Variants in FBXL4 observed in about 807,000 individuals in gnomAD.
FBXL4 encodes F-box and leucine rich repeat protein 4.
FBXL4 carries 40 observed loss-of-function variants against 58.9 expected under a neutral mutation model. That is an observed-to-expected ratio of 0.68 (90% CI 0.53 to 0.88). The LOEUF (loss-of-function observed/expected upper bound fraction) is 0.88, where lower values mean the gene tolerates loss of function less well. Among genes scored for constraint, FBXL4 ranks in the 40% least tolerant of loss-of-function variants. The pLI is 0.00. For synonymous variants in FBXL4, 263 were observed against 265.5 expected, an observed-to-expected ratio of 0.99 and a Z score of 0.09; for missense variants, 676 against 734.4, an observed-to-expected ratio of 0.92 and a Z score of 0.92.
At chr6:98,920,242 G>A (rs963403590) in intron 4 of FBXL4, among the ~76,000 whole-genome samples, 18 of 152,080 alleles carry the variant, frequency 1.2e-4, no homozygotes, top group African/African-American at 3.6e-4. Flanking sequence ...TGCAGAACAT[G>A]CAAAACAGAC....
intron 1 of FBXL4, among the ~76,000 whole-genome samples, chr6:98,944,011 C>A (rs929606210): frequency 1.4e-4 from 22 of 152,138 alleles, no homozygotes; most frequent in African/African-American, 5.1e-4. Flanking sequence ...TAGTATCTTA[C>A]AACAAATGTG....
chr6:98,914,597 G>C (rs1413549350), intron 5 of FBXL4, among the ~76,000 whole-genome samples: 2 of 152,102 alleles, frequency 1.3e-5, no homozygotes, highest in Non-Finnish European at 2.9e-5. Context: ...ATGCAGAAAA[G>C]GCCTTTGACA....
At chr6:98,913,305 T>G (rs1205578358) in intron 5 of FBXL4, among the ~76,000 whole-genome samples, 1 of 152,060 alleles carries the variant, frequency 6.6e-6, no homozygotes, top group African/African-American at 2.4e-5. Flanking sequence ...GAAATTGAAC[T>G]CAGCTCGGCA....
intron 5 of FBXL4, among the ~76,000 whole-genome samples, chr6:98,915,815 C>T (rs1450681211): frequency 1.3e-5 from 2 of 151,448 alleles, no homozygotes; most frequent in Non-Finnish European, 3.0e-5. Flanking sequence ...CCAAAATTGA[C>T]AAATGGGATC....
At chr6:98,912,922 C>A (rs1772156025) in intron 5 of FBXL4, among the ~76,000 whole-genome samples, 1 of 151,864 alleles carries the variant, frequency 6.6e-6, no homozygotes, top group South Asian at 2.1e-4. Flanking sequence ...GTGCTGTATT[C>A]AGGAAACCCA....
intron 5 of FBXL4, among the ~76,000 whole-genome samples, chr6:98,910,822 G>GA (rs1772019094): frequency 6.6e-6 from 1 of 152,186 alleles, no homozygotes; most frequent in Non-Finnish European, 1.5e-5. Context: ...GCCAGATAGT[G>GA]GGCGCAGGAC....
intron 7 of FBXL4, chr6:98,897,103 T>A (rs1036190627): frequency 7.1e-6 from 7 of 982,640 alleles, no homozygotes; most frequent in African/African-American, 1.7e-5. Context: ...GCTCATTTAA[T>A]AACTACATTT....
intron 7 of FBXL4, among the ~76,000 whole-genome samples, chr6:98,894,567 C>T (rs1047721397): frequency 1.1e-4 from 17 of 152,250 alleles, no homozygotes; most frequent in African/African-American, 4.1e-4. Flanking sequence ...GGTTTCCCAA[C>T]ACAGATCACC....
rs1402483611 is a variant in FBXL4, at chr6:98,873,835, G to T, written c.*443C>A. The T allele has an allele frequency of 1.3e-5, 2 of 152,646 alleles. 1 individual carries two copies. Among genetic ancestry groups the T allele is most frequent in the Admixed American group, 1.3e-4 (2 of 15,280 alleles). The allele number at this position is 152,646 out of a possible 1,614,324, so 9.5% of individuals were successfully genotyped here. On this transcript the variant is annotated 3_prime_UTR_variant, in exon 10 of 10. Transcript: ENST00000369244. ...AAAAGCATGTCTCATTCTCCAACTA[G>T]CTCTGACCATTTTGTACATACCAAA...
chr6:98,877,336 A>T (rs1163207459), intron 8 of FBXL4, among the ~76,000 whole-genome samples: 2 of 152,156 alleles, frequency 1.3e-5, no homozygotes, highest in African/African-American at 2.4e-5. Flanking sequence ...AAAAAAATTT[A>T]AAAACTTTAT....
chr6:98,875,628 T>C lies in FBXL4; in HGVS notation c.1489A>G (p.Ile497Val). The change falls in exon 9 of 10, where the codon ATA becomes GTA. Residue 497 changes from isoleucine to valine, a missense_variant. Ile to Val is a conservative substitution (Grantham distance 29). Coordinates refer to ENST00000369244, the MANE Select transcript of FBXL4 (RefSeq NM_001278716.2). ...WRCKNITENG[I>V]AELASGCPLL... ...GGACACCCAGAAGCCAGTTCTGCTA[T>C]TCCATTCTCAGTAATATTCTTACAT... is the stretch of plus-strand genomic sequence containing the variant. 5.6e-6 allele frequency: 9 copies of C among 1,614,158 alleles called. No homozygotes were observed. Among genetic ancestry groups the C allele is most frequent in the African/African-American group, 1.3e-5 (1 of 75,044 alleles).
At chr6:98,936,621 TTTC>T (rs1211420051) in intron 1 of FBXL4, among the ~76,000 whole-genome samples, 1 of 152,226 alleles carries the variant, frequency 6.6e-6, no homozygotes, top group East Asian at 1.9e-4. Context: ...TCCTCATGAT[TTTC>T]TTAATATTTT....
At position 98,927,058 on chromosome 6, in the gene FBXL4, G is replaced by A; in HGVS notation, c.-70C>T. 3 of 1,468,816 alleles carry A rather than the reference G, an allele frequency of 2.0e-6. No individual in the cohort carries two copies. Among genetic ancestry groups the A allele is most frequent in the South Asian group, 2.6e-5 (2 of 76,476 alleles). 91.0% of individuals were successfully genotyped at this position (1,468,816 alleles called of 1,614,324 possible). On this transcript the variant is annotated splice_region_variant and 5_prime_UTR_variant, in exon 4 of 10. Coordinates refer to ENST00000369244, the MANE Select transcript of FBXL4 (RefSeq NM_001278716.2). ...AAGATGCATGAACTCTTTGAAGGATGTTCTAAAAAAATGAATGGCTTGGTG... is the reference window on the plus strand; with the variant it reads ...AAGATGCATGAACTCTTTGAAGGATATTCTAAAAAAATGAATGGCTTGGTG...
At chr6:98,923,372 T>C (rs1772657271) in intron 4 of FBXL4, among the ~76,000 whole-genome samples, 1 of 152,166 alleles carries the variant, frequency 6.6e-6, no homozygotes, top group Admixed American at 6.5e-5. Flanking sequence ...AAAAAATCTA[T>C]AAAATCCCAA....
intron 2 of FBXL4, among the ~76,000 whole-genome samples, chr6:98,928,103 T>C (rs1772860914): frequency 1.3e-5 from 2 of 152,328 alleles, no homozygotes; most frequent in South Asian, 4.1e-4. Flanking sequence ...TTTTTAAAAA[T>C]TTGATCTAGT....
At chr6:98,908,223 T>C (rs567054711) in intron 5 of FBXL4, among the ~76,000 whole-genome samples, 18 of 152,304 alleles carry the variant, frequency 1.2e-4, no homozygotes, top group African/African-American at 4.1e-4. Context: ...AGATAATCAT[T>C]GTTTTTCTGA....
At chr6:98,907,672 G>A (rs1424270759) in intron 5 of FBXL4, among the ~76,000 whole-genome samples, 1 of 152,042 alleles carries the variant, frequency 6.6e-6, no homozygotes, top group Non-Finnish European at 1.5e-5. Context: ...ATTTAGATGA[G>A]AGAGGGTTTT....
At position 98,880,606 on chromosome 6, in the gene FBXL4, T is replaced by C. The variant is rs754053250; in HGVS notation, c.1336A>G (p.Ile446Val). The change falls in exon 8 of 10, where the codon ATT (isoleucine) becomes GTT (valine). Residue 446 changes from isoleucine to valine, a missense_variant. By Grantham distance (29) the Ile-to-Val change is conservative. Coordinates refer to ENST00000369244, the MANE Select transcript of FBXL4 (RefSeq NM_001278716.2). The stretch of plus-strand genomic sequence containing the variant: ...TGAAGCTCTGAACAGAAGTTCAAAA[T>C]GCTGAGCAGTGCTGTTTGCTGCCAT... ...TKVEQTALLSILNFCSELQHL... is the reference protein window; with the variant it reads ...TKVEQTALLSVLNFCSELQHL... 5.6e-6 allele frequency: 9 copies of C among 1,613,868 alleles called. No homozygotes were observed. Among genetic ancestry groups the C allele is most frequent in the Non-Finnish European group, 6.8e-6 (8 of 1,179,870 alleles).
In FBXL4 at chr6:98,905,658, T is replaced by A. The variant is rs539260316; in HGVS notation, c.871A>T (p.Ile291Phe). ...TCTGGTAGTGTAAGATGATTCAGAA[T>A]CAGCTGAATAAGCTAAATAAGACAG... ...DKLPYELIQL[I>F]LNHLTLPDLC... Residue 291 changes from isoleucine (I) to phenylalanine (F), a missense_variant, in exon 6 of 10, where the codon ATT becomes TTT. Coordinates refer to ENST00000369244, the MANE Select transcript of FBXL4 (RefSeq NM_001278716.2). 1.9e-6 allele frequency: 3 copies of A among 1,613,424 alleles called. No homozygotes were observed. Among genetic ancestry groups the A allele is most frequent in the Non-Finnish European group, 2.5e-6 (3 of 1,179,694 alleles).
Sources: allele counts gnomAD v4.1 joint callset (sites outside exome capture counted in the v4.1 genomes callset), GRCh38; gene constraint gnomAD v4.1.1; transcripts MANE v1.5; gene names NCBI Gene and HGNC (gene_info 2026-07-23, HGNC 2026-07-21).